CNTN5: variants seen among roughly 807,000 people sequenced by gnomAD.
CNTN5 encodes the protein contactin-5.
In CNTN5, 77 loss-of-function variants were observed where a neutral mutation model predicts 129.1. The ratio of observed to expected loss-of-function variants is 0.60; its 90% CI spans 0.50 to 0.72. CNTN5 has a LOEUF of 0.72. Ranked by LOEUF, CNTN5 falls within the 30% of genes least tolerant of loss-of-function variation. CNTN5 has a pLI of 0.00. For synonymous variants in CNTN5, 509 were observed against 465.6 expected, an observed-to-expected ratio of 1.09 and a Z score of -1.20; for missense variants, 1,478 against 1,328.8, an observed-to-expected ratio of 1.11 and a Z score of -1.75.
intron 2 of CNTN5, among the ~76,000 whole-genome samples, chr11:99,513,011 A>G (rs143709490): frequency 5.3e-5 from 8 of 152,308 alleles, no homozygotes; most frequent in African/African-American, 1.9e-4. Flanking sequence ...CTCTTATGCC[A>G]AACAGTTAGC....
At chr11:99,890,519 CTG>C (rs1301983790) in intron 6 of CNTN5, among the ~76,000 whole-genome samples, 1 of 151,632 alleles carries the variant, frequency 6.6e-6, no homozygotes, top group Non-Finnish European at 1.5e-5. Flanking sequence ...ACATATATGA[CTG>C]AAACATACAT....
intron 9 of CNTN5, among the ~76,000 whole-genome samples, chr11:100,044,199 A>C (rs1005897297): frequency 3.3e-5 from 5 of 152,020 alleles, no homozygotes; most frequent in African/African-American, 1.2e-4. Flanking sequence ...ATATGTATAT[A>C]TAACATTTTC....
intron 16 of CNTN5, among the ~76,000 whole-genome samples, chr11:100,232,387 T>C (rs542606789): frequency 2.0e-5 from 3 of 152,014 alleles, no homozygotes; most frequent in Non-Finnish European, 2.9e-5. Context: ...CAAAACCAAG[T>C]GAAATACGAA....
chr11:99,081,897 C>T (rs1865816049), intron 1 of CNTN5, among the ~76,000 whole-genome samples: 1 of 152,066 alleles, frequency 6.6e-6, no homozygotes, highest in African/African-American at 2.4e-5. Context: ...CCATTACACC[C>T]TTTTAAAACC....
At chr11:99,940,918 T>G (rs973219727) in intron 7 of CNTN5, among the ~76,000 whole-genome samples, 5 of 152,026 alleles carry the variant, frequency 3.3e-5, no homozygotes, top group Admixed American at 1.3e-4. Context: ...GTAGTCTTGA[T>G]AGAAAAATAA....
At chr11:99,996,794 A>G (rs914762366) in intron 8 of CNTN5, among the ~76,000 whole-genome samples, 10 of 152,286 alleles carry the variant, frequency 6.6e-5, no homozygotes, top group African/African-American at 2.4e-4. Flanking sequence ...ACATGGCAGC[A>G]GGAGAGAGAG....
chr11:99,723,752 G>T (rs1186706090), intron 3 of CNTN5, among the ~76,000 whole-genome samples: 1 of 151,978 alleles, frequency 6.6e-6, no homozygotes, highest in African/African-American at 2.4e-5. Flanking sequence ...GCAGTAAATT[G>T]TGTGTGTGTA....
intron 1 of CNTN5, among the ~76,000 whole-genome samples, chr11:99,091,837 G>A (rs1383672750): frequency 6.6e-6 from 1 of 152,068 alleles, no homozygotes; most frequent in Non-Finnish European, 1.5e-5. Flanking sequence ...ATGGATACGA[G>A]GAGAAAAAGC....
intron 3 of CNTN5, among the ~76,000 whole-genome samples, chr11:99,666,255 A>G (rs1386181664): frequency 2.0e-5 from 3 of 152,208 alleles, no homozygotes; most frequent in African/African-American, 7.2e-5. Flanking sequence ...GGCATGAGCC[A>G]CTGCGGCCAG....
At chr11:99,512,106 C>T (rs1946859622) in intron 2 of CNTN5, among the ~76,000 whole-genome samples, 1 of 152,120 alleles carries the variant, frequency 6.6e-6, no homozygotes, top group African/African-American at 2.4e-5. Flanking sequence ...TTCACATTCA[C>T]TCCCATTCAC....
chr11:99,901,092 T>G (rs1030362395), intron 6 of CNTN5, among the ~76,000 whole-genome samples: 9 of 152,168 alleles, frequency 5.9e-5, no homozygotes, highest in Non-Finnish European at 1.3e-4. Flanking sequence ...AAAGGATATT[T>G]TAATAAGAAA....
chr11:99,564,670 A>G (rs2135559239), intron 3 of CNTN5, among the ~76,000 whole-genome samples: 1 of 152,310 alleles, frequency 6.6e-6, no homozygotes, highest in African/African-American at 2.4e-5. Flanking sequence ...TATGTGAAAA[A>G]AGCATCAACA....
intron 8 of CNTN5, among the ~76,000 whole-genome samples, chr11:99,987,546 C>T (rs866770497): frequency 2.2e-5 from 3 of 135,078 alleles, no homozygotes; most frequent in South Asian, 5.0e-4. Context: ...TATATATACA[C>T]ATACACACAC....
intron 3 of CNTN5, among the ~76,000 whole-genome samples, chr11:99,768,672 C>T (rs781323907): frequency 6.6e-6 from 1 of 152,044 alleles, no homozygotes; most frequent in African/African-American, 2.4e-5. Context: ...AAATGTTATG[C>T]AGACAATGAT....
At chr11:100,184,430 G>T (rs1948233266) in intron 13 of CNTN5, among the ~76,000 whole-genome samples, 1 of 152,128 alleles carries the variant, frequency 6.6e-6, no homozygotes, top group Admixed American at 6.5e-5. Context: ...ACCCTGATAT[G>T]ATACCAAAAA....
intron 20 of CNTN5, among the ~76,000 whole-genome samples, chr11:100,303,793 G>A (rs1951285429): frequency 6.6e-6 from 1 of 151,626 alleles, no homozygotes; most frequent in African/African-American, 2.4e-5. Flanking sequence ...AGCTCACTGG[G>A]ATTTATGTGA....
In CNTN5 at chr11:100,050,417, T is replaced by C. The variant is rs1210314010; in HGVS notation, c.981-10795T>C. 7.2e-5 allele frequency among the ~76,000 whole-genome samples: 11 copies of C among 152,010 alleles called. No individual in the cohort carries two copies. The South Asian group carries it at 8.3e-4, about 12-fold the overall frequency. ...GCATATTCTCACTCATAGGTGGGAA[T>C]TGAACAATGAGAACACATGGACACA... is the stretch of plus-strand genomic sequence containing the variant. On this transcript the variant is annotated intron_variant, in intron 9 of 24. Coordinates refer to ENST00000524871, the MANE Select transcript of CNTN5 (RefSeq NM_014361.4).
chr11:99,514,251 A>G (rs1946957428), intron 2 of CNTN5, among the ~76,000 whole-genome samples: 1 of 152,110 alleles, frequency 6.6e-6, no homozygotes, highest in African/African-American at 2.4e-5. Flanking sequence ...GTTGCTTTTT[A>G]TGGATGAGTA....
chr11:99,392,627 A>G (rs1941322364), intron 2 of CNTN5, among the ~76,000 whole-genome samples: 1 of 151,882 alleles, frequency 6.6e-6, no homozygotes, highest in South Asian at 2.1e-4. Flanking sequence ...CACTGGTGAC[A>G]TTTCAAATGA....
Sources: allele counts gnomAD v4.1 joint callset (sites outside exome capture counted in the v4.1 genomes callset), GRCh38; gene constraint gnomAD v4.1.1; transcripts MANE v1.5; gene names NCBI Gene and HGNC (gene_info 2026-07-23, HGNC 2026-07-21).